The following MEPE variants were observed in gnomAD, a reference collection of about 807,000 sequenced individuals.
The protein encoded by MEPE is matrix extracellular phosphoglycoprotein, also known as matrix, extracellular phosphoglycoprotein with ASARM motif (bone).
A neutral mutation model predicts 7.3 loss-of-function variants in MEPE; 7 were observed. The ratio of observed to expected loss-of-function variants is 0.95; its 90% CI spans 0.54 to 1.79. The LOEUF is 1.79. MEPE is among the 40% of genes most tolerant of loss of function. MEPE has a pLI of 0.00. For missense variants in MEPE, 623 were observed against 628.2 expected, an observed-to-expected ratio of 0.99 and a Z score of 0.09; for synonymous variants, 214 against 213.1, an observed-to-expected ratio of 1.00 and a Z score of -0.04.
At chr4:87,841,624 T>C (rs1040752134) in intron 3 of MEPE, among the ~76,000 whole-genome samples, 6 of 152,314 alleles carry the variant, frequency 3.9e-5, no homozygotes, top group African/African-American at 1.4e-4. Flanking sequence ...CATTTCCGCC[T>C]ACTTCCAACA....
At chr4:87,830,979 A>T (rs1185978483), upstream of MEPE, among the ~76,000 whole-genome samples, 1 of 152,072 alleles carries the variant, frequency 6.6e-6, no homozygotes, top group Non-Finnish European at 1.5e-5. Flanking sequence ...ATCTTATTAT[A>T]TATCATTTGT....
chr4:87,834,663 T>A, intron 1 of MEPE, 40 bp from the exon 2 acceptor site: 2 of 1,499,210 alleles, frequency 1.3e-6, no homozygotes, highest in Non-Finnish European at 9.2e-7. Context: ...AGTTTATAAC[T>A]GGCAATGCTT....
chr4:87,846,101 A>G lies in MEPE; in HGVS notation c.1233A>G (p.Val411=). ...KNGKGSTRKG[V]DHSNRNQATL... ...GCAAAGGCAGTACCAGAAAGGGTGT[A>G]GATCATTCTAATAGGAACCAAGCAA... Residue 411 remains valine (V), a synonymous_variant, in exon 4 of 4, where the codon GTA becomes GTG. Coordinates refer to ENST00000361056, the MANE Select transcript of MEPE (RefSeq NM_020203.6). The G allele has an allele frequency of 6.2e-7, 1 of 1,614,068 alleles. No individual in the cohort carries two copies. Among genetic ancestry groups the G allele is most frequent in the South Asian group, 1.1e-5 (1 of 91,074 alleles).
At position 87,846,593 on chromosome 4, in the gene MEPE, A is replaced by G. The variant is rs1723280947; in HGVS notation, c.*147A>G. On this transcript the variant is annotated 3_prime_UTR_variant, in exon 4 of 4. Coordinates refer to ENST00000361056, the MANE Select transcript of MEPE (RefSeq NM_020203.6). ...CCAAGAATCCTGGTCTCCTTGGGGG[A>G]ATTTTTGCTATCTTAATAGTCACAG... 2.4e-6 allele frequency: 2 copies of G among 831,926 alleles called. No homozygotes were observed. Among genetic ancestry groups the G allele is most frequent in the East Asian group, 2.6e-5 (1 of 39,214 alleles). The allele number at this position is 831,926 out of a possible 1,614,324, so 51.5% of individuals were successfully genotyped here.
intron 2 of MEPE, among the ~76,000 whole-genome samples, chr4:87,835,893 A>T (rs1722770222): frequency 6.6e-6 from 1 of 152,018 alleles, no homozygotes; most frequent in Non-Finnish European, 1.5e-5. Context: ...CTTTCTCATC[A>T]TTTTCCAGTA....
chr4:87,827,786 G>C (rs1370244501), intron 1 of MEPE, among the ~76,000 whole-genome samples: 1 of 152,142 alleles, frequency 6.6e-6, no homozygotes, highest in Non-Finnish European at 1.5e-5. Context: ...TTGTAATAGA[G>C]GAATGGGTAA....
upstream of MEPE, among the ~76,000 whole-genome samples, chr4:87,829,865 CTTTTTTT>C (rs3037623): frequency 6.3e-5 from 7 of 111,884 alleles, no homozygotes; most frequent in African/African-American, 1.9e-4. Context: ...CACCCAAATC[CTTTTTTT>C]TTTTTTTTTT....
intron 3 of MEPE, 70 bp downstream of exon 3, chr4:87,838,755 T>C: frequency 4.3e-6 from 6 of 1,394,458 alleles, no homozygotes; most frequent in Non-Finnish European, 5.0e-6. Flanking sequence ...AAGAGAAAAG[T>C]GTAACTGTCA....
intron 2 of MEPE, 151 bp from the exon 3 acceptor site, chr4:87,838,481 G>T (rs143780210): frequency 4.6e-6 from 3 of 657,152 alleles, no homozygotes; most frequent in Non-Finnish European, 8.0e-6. Context: ...ATATTAATGC[G>T]ATGAGTGTGT....
At position 87,846,125 on chromosome 4, in the gene MEPE, A is replaced by C; in HGVS notation, c.1257A>C (p.Ala419=). The change falls in exon 4 of 4, where the codon GCA becomes GCC. Residue 419 remains alanine (A), a synonymous_variant. Coordinates refer to ENST00000361056, the MANE Select transcript of MEPE (RefSeq NM_020203.6). ...KGVDHSNRNQ[A]TLNEKQRFPS... ...TAGATCATTCTAATAGGAACCAAGCAACCTTAAATGAAAAACAAAGGTTTC... is the reference window on the plus strand; with the variant it reads ...TAGATCATTCTAATAGGAACCAAGCCACCTTAAATGAAAAACAAAGGTTTC... 6.2e-7 allele frequency: 1 copy of C among 1,603,610 alleles called. No homozygotes were observed.
intron 3 of MEPE, among the ~76,000 whole-genome samples, chr4:87,843,370 G>T (rs529006705): frequency 1.3e-5 from 2 of 152,174 alleles, no homozygotes; most frequent in South Asian, 4.2e-4. Context: ...TGGATATGAT[G>T]TCTCTGCCTC....
At chr4:87,840,162 G>A (rs952442826) in intron 3 of MEPE, 39 of 1,323,744 alleles carry the variant, frequency 2.9e-5, no homozygotes, top group Non-Finnish European at 3.8e-5. Context: ...ATCTCAGCAG[G>A]GGACGGCTAA....
At chr4:87,836,032 A>G (rs1209757527) in intron 2 of MEPE, among the ~76,000 whole-genome samples, 1 of 151,938 alleles carries the variant, frequency 6.6e-6, no homozygotes, top group Admixed American at 6.6e-5. Context: ...GCTTGGGGGT[A>G]TAGAGGGGAC....
Position 87,846,059 on chromosome 4 carries a change from T to G in MEPE, c.1191T>G (p.Asn397Lys). 6.2e-7 allele frequency: 1 copy of G among 1,613,910 alleles called. No individual in the cohort carries two copies. ...SSDAAESTNY[N>K]EIPKNGKGST... ...ATGCAGCTGAAAGTACCAACTATAA[T>G]GAAATTCCTAAAAATGGCAAAGGCA... The change falls in exon 4 of 4, where the codon AAT becomes AAG. Residue 397 changes from asparagine to lysine, a missense_variant. Asn to Lys is a moderately conservative substitution (Grantham distance 94, BLOSUM62 0). Transcript: ENST00000361056.
chr4:87,826,734 T>C (rs1329985451), intron 1 of MEPE, among the ~76,000 whole-genome samples: 2 of 152,210 alleles, frequency 1.3e-5, no homozygotes, highest in African/African-American at 2.4e-5. Flanking sequence ...ATTTCTGTAA[T>C]GATCAGTGGG....
intron 3 of MEPE, among the ~76,000 whole-genome samples, chr4:87,843,576 A>G (rs1401337151): frequency 6.6e-6 from 1 of 152,164 alleles, no homozygotes; most frequent in Admixed American, 6.6e-5. Flanking sequence ...ATTCCAGCTC[A>G]TCCTACAATT....
intron 2 of MEPE, among the ~76,000 whole-genome samples, chr4:87,835,548 G>C (rs1722755365): frequency 1.3e-5 from 2 of 152,310 alleles, no homozygotes; most frequent in South Asian, 4.1e-4. Context: ...TATAGGTCCT[G>C]AGTGAGTGGG....
At chr4:87,822,806 A>T (rs61037652) in intron 1 of MEPE, among the ~76,000 whole-genome samples, 10,624 of 152,248 alleles carry the variant, frequency 0.07, 498 homozygotes, top group African/African-American at 0.13. Flanking sequence ...CATCTTCCAC[A>T]AGGTAGGGAG....
chr4:87,845,943 G>C lies in MEPE; in HGVS notation c.1075G>C (p.Asp359His). 6.2e-7 allele frequency: 1 copy of C among 1,614,000 alleles called. No individual in the cohort carries two copies. The highest frequency in any genetic ancestry group is 8.5e-7 in the Non-Finnish European group (1 of 1,179,958). Residue 359 changes from aspartate to histidine, a missense_variant, in exon 4 of 4, where the codon GAT becomes CAT. By Grantham distance (81) the Asp-to-His change is moderately conservative. Transcript: ENST00000361056. ...CCCTGGAAGAGAAGGAAACAGAGTG[G>C]ATGCTGGCAGCCAAAATGCTCACCA... ...ELPGREGNRV[D>H]AGSQNAHQGK...
Sources: gnomAD v4.1 joint callset for allele counts (sites outside exome capture counted in the v4.1 genomes callset) on GRCh38, gnomAD v4.1.1 for gene constraint, MANE v1.5 for transcripts, NCBI Gene and HGNC (gene_info 2026-07-23, HGNC 2026-07-21) for gene names.